GABRB1: variants seen among roughly 807,000 people sequenced by gnomAD.
GABRB1 encodes the protein gamma-aminobutyric acid type A receptor subunit beta1.
GABRB1 carries 17 observed loss-of-function variants against 51.6 expected under a neutral mutation model. The ratio of observed to expected loss-of-function variants is 0.33; its 90% CI spans 0.23 to 0.49. The LOEUF (loss-of-function observed/expected upper bound fraction) is 0.49, where lower values mean the gene tolerates loss of function less well. Among genes scored for constraint, GABRB1 ranks in the 20% least tolerant of loss-of-function variants. The pLI is 0.99. For missense variants in GABRB1, 410 were observed against 600.6 expected, an observed-to-expected ratio of 0.68 and a Z score of 3.32; for synonymous variants, 247 against 218.9, an observed-to-expected ratio of 1.13 and a Z score of -1.14.
chr4:47,026,635 C>A (rs553474394), upstream of GABRB1, among the ~76,000 whole-genome samples: 1 of 152,080 alleles, frequency 6.6e-6, no homozygotes, highest in East Asian at 1.9e-4. Context: ...CACAACACTG[C>A]AAATCAGGAT....
At chr4:47,344,765 C>T (rs539359366) in intron 5 of GABRB1, among the ~76,000 whole-genome samples, 17 of 152,202 alleles carry the variant, frequency 1.1e-4, no homozygotes, top group African/African-American at 4.1e-4. Flanking sequence ...CTCTATCCCC[C>T]AGGCTGGAGT....
intron 1 of GABRB1, among the ~76,000 whole-genome samples, chr4:47,008,867 T>C: frequency 1.1e-5 from 1 of 90,188 alleles, no homozygotes; most frequent in Non-Finnish European, 2.3e-5. Flanking sequence ...TTTTTTTTTT[T>C]TTTTTTTTTT....
At chr4:47,210,610 T>C (rs79818154) in intron 4 of GABRB1, among the ~76,000 whole-genome samples, 13,609 of 152,264 alleles carry the variant, frequency 0.089, 732 homozygotes, top group South Asian at 0.2. Context: ...AAATAAAATA[T>C]AATACTTGGA....
chr4:47,344,530 G>A (rs1355493721), intron 5 of GABRB1, among the ~76,000 whole-genome samples: 2 of 152,002 alleles, frequency 1.3e-5, no homozygotes, highest in Non-Finnish European at 2.9e-5. Flanking sequence ...GTATAACTAG[G>A]TTACAAAATC....
intron 3 of GABRB1, among the ~76,000 whole-genome samples, chr4:47,156,388 C>G (rs760896341): frequency 7.2e-5 from 11 of 151,970 alleles, no homozygotes; most frequent in African/African-American, 2.4e-4. Context: ...TTGAACCAGA[C>G]AATTCTTTAT....
chr4:47,253,420 T>C (rs1722068404), intron 4 of GABRB1, among the ~76,000 whole-genome samples: 1 of 152,204 alleles, frequency 6.6e-6, no homozygotes, highest in African/African-American at 2.4e-5. Context: ...GAAAACATAG[T>C]CCTTTTTTAT....
chr4:47,177,452 G>C (rs924934816), intron 4 of GABRB1, among the ~76,000 whole-genome samples: 26 of 152,088 alleles, frequency 1.7e-4, no homozygotes, highest in East Asian at 1.3e-3. Flanking sequence ...ACACTGTGTT[G>C]CTTCCAGCAG....
intron 4 of GABRB1, among the ~76,000 whole-genome samples, chr4:47,284,207 C>G (rs1156574213): frequency 6.6e-6 from 1 of 151,730 alleles, no homozygotes; most frequent in Non-Finnish European, 1.5e-5. Flanking sequence ...GATTGACAGG[C>G]TTTTGGCTGA....
chr4:47,078,773 C>T (rs1037359277), intron 3 of GABRB1, among the ~76,000 whole-genome samples: 18 of 152,122 alleles, frequency 1.2e-4, no homozygotes, highest in Admixed American at 7.2e-4. Flanking sequence ...CAATTACTTA[C>T]TATTGGGCAC....
intron 3 of GABRB1, among the ~76,000 whole-genome samples, chr4:47,159,124 G>GA (rs11390050): frequency 0.69 from 102,049 of 147,978 alleles, 35,558 homozygotes; most frequent in Middle Eastern, 0.84. Flanking sequence ...AAAAGAAAAA[G>GA]AAAAAAAAAA....
chr4:47,101,495 T>C (rs1714719430), intron 3 of GABRB1, among the ~76,000 whole-genome samples: 1 of 152,062 alleles, frequency 6.6e-6, no homozygotes, highest in African/African-American at 2.4e-5. Flanking sequence ...CTACATTTAA[T>C]TCAGATACAC....
chr4:47,112,597 A>G (rs1006377007), intron 3 of GABRB1, among the ~76,000 whole-genome samples: 4 of 152,188 alleles, frequency 2.6e-5, no homozygotes, highest in African/African-American at 9.7e-5. Context: ...GAAGATGAAA[A>G]GGAAAACATA....
At chr4:47,025,157 T>C (rs1725051865) in intron 1 of GABRB1, among the ~76,000 whole-genome samples, 2 of 151,128 alleles carry the variant, frequency 1.3e-5, no homozygotes, top group African/African-American at 4.9e-5. Context: ...TGATGCGTAT[T>C]TGGGTTGGCT....
At chr4:47,397,398 C>T (rs1375125080) in intron 5 of GABRB1, among the ~76,000 whole-genome samples, 3 of 152,118 alleles carry the variant, frequency 2.0e-5, no homozygotes, top group Non-Finnish European at 4.4e-5. Flanking sequence ...ATTTGAGGCA[C>T]CACTTTTATC....
At chr4:47,302,077 G>T (rs1204991133) in intron 4 of GABRB1, among the ~76,000 whole-genome samples, 3 of 151,996 alleles carry the variant, frequency 2.0e-5, no homozygotes, top group Admixed American at 6.6e-5. Context: ...TATGTACTTT[G>T]CCACAGATCA....
chr4:47,367,577 A>G (rs1727023787), intron 5 of GABRB1, among the ~76,000 whole-genome samples: 1 of 152,182 alleles, frequency 6.6e-6, no homozygotes. Flanking sequence ...CAGATGCAGA[A>G]AAGTCTAATC....
In GABRB1 at chr4:47,406,688, C is replaced by T. The variant is rs1415196734; in HGVS notation, c.842C>T (p.Thr281Met). The change falls in exon 8 of 9, where the codon ACG becomes ATG. Residue 281 changes from threonine (T) to methionine (M), a missense_variant. Physicochemically the swap from Thr to Met is moderately conservative, Grantham distance 81. Coordinates refer to ENST00000295454, the MANE Select transcript of GABRB1 (RefSeq NM_000812.4). ...TTGTCTTTCTCTTTCACAGGAATCA[C>T]GACAGTGCTTACAATGACAACCATC... Reference protein sequence around the residue: ...ASAARVALGITTVLTMTTIST... With the variant: ...ASAARVALGIMTVLTMTTIST... The T allele has an allele frequency of 6.2e-7, 1 of 1,614,018 alleles. No homozygotes were observed. The highest frequency in any genetic ancestry group is 1.3e-5 in the African/African-American group (1 of 74,916).
chr4:47,190,992 T>C (rs1719420536), intron 4 of GABRB1, among the ~76,000 whole-genome samples: 1 of 152,190 alleles, frequency 6.6e-6, no homozygotes, highest in Non-Finnish European at 1.5e-5. Flanking sequence ...ATTTCTTGAA[T>C]TGTCAAATTT....
intron 8 of GABRB1, among the ~76,000 whole-genome samples, chr4:47,415,296 C>A (rs906705608): frequency 2.6e-5 from 4 of 152,142 alleles, no homozygotes; most frequent in African/African-American, 9.7e-5. Flanking sequence ...TGTGCTGTTC[C>A]AGGTGTCCAA....
Sources: allele counts gnomAD v4.1 joint callset (sites outside exome capture counted in the v4.1 genomes callset), GRCh38; gene constraint gnomAD v4.1.1; transcripts MANE v1.5; gene names NCBI Gene and HGNC (gene_info 2026-07-23, HGNC 2026-07-21).